Variants in BOP1 observed in about 807,000 individuals in gnomAD.
The protein encoded by BOP1 is ribosome biogenesis protein BOP1.
BOP1 carries 54 observed loss-of-function variants against 82.9 expected under a neutral mutation model. The ratio of observed to expected loss-of-function variants is 0.65; its 90% CI spans 0.52 to 0.82. The LOEUF (loss-of-function observed/expected upper bound fraction) is 0.82, where lower values mean the gene tolerates loss of function less well. BOP1 is among the 40% of genes least tolerant of loss of function. The pLI, the probability that BOP1 is intolerant of heterozygous loss-of-function variation, is 0.00. For synonymous variants in BOP1, 566 were observed against 451.1 expected, an observed-to-expected ratio of 1.25 and a Z score of -3.23; for missense variants, 1,170 against 1,072.0, an observed-to-expected ratio of 1.09 and a Z score of -1.28.
chr8:144,290,613 G>T (rs961572126), intron 1 of BOP1, among the ~76,000 whole-genome samples: 1 of 152,212 alleles, frequency 6.6e-6, no homozygotes, highest in Non-Finnish European at 1.5e-5. Flanking sequence ...CCTGAGGACC[G>T]TTTAGTCCAA....
At chr8:144,267,373 G>A (rs1394628493) in intron 3 of BOP1, among the ~76,000 whole-genome samples, 6 of 152,124 alleles carry the variant, frequency 3.9e-5, no homozygotes, top group Admixed American at 1.3e-4. Flanking sequence ...TAGGACACTC[G>A]GCTCCCAGTG....
chr8:144,262,290 C>T lies in BOP1; in HGVS notation c.2115G>A (p.Val705=). The T allele has an allele frequency of 6.2e-7, 1 of 1,612,862 alleles. No homozygotes were observed. The change falls in exon 16 of 16, where the codon GTG becomes GTA. Residue 705 remains valine (V), a synonymous_variant. Coordinates refer to ENST00000569669, the MANE Select transcript of BOP1 (RefSeq NM_015201.5). ...CGTGTCCCTTCAGCACCTTGACGGG[C>T]ACCAGCAAGGGGTTCTGCAGAAGGT... ...YNDLLQNPLL[V]PVKVLKGHVL...
At chr8:144,290,092 C>T (rs578092072) in intron 1 of BOP1, among the ~76,000 whole-genome samples, 10 of 152,296 alleles carry the variant, frequency 6.6e-5, no homozygotes, top group African/African-American at 2.4e-4. Flanking sequence ...GGCACAGTGG[C>T]TCACTCCTGT....
chr8:144,275,416 T>C (rs1845553568), intron 3 of BOP1, among the ~76,000 whole-genome samples: 1 of 140,456 alleles, frequency 7.1e-6, no homozygotes, highest in Non-Finnish European at 1.5e-5. Flanking sequence ...CACAGCCCAG[T>C]GCCAGCCTCT....
At position 144,291,290 on chromosome 8, in the gene BOP1, C is replaced by T; in HGVS notation, c.81G>A (p.Glu27=). 1 of 1,461,168 alleles carries T rather than the reference C, an allele frequency of 6.8e-7. No homozygotes were observed. Among genetic ancestry groups the T allele is most frequent in the South Asian group, 1.3e-5 (1 of 77,448 alleles). The allele number at this position is 1,461,168 out of a possible 1,614,324, so 90.5% of individuals were successfully genotyped here. ...PEKRRSEPEL[E]PEPEPEPPLL... ...CAGTCACCTCCGGCTCGGGCTCAGG[C>T]TCCAGTTCGGGCTCAGACCGCCGCT... is the stretch of plus-strand genomic sequence containing the variant. The change falls in exon 1 of 16, where the codon GAG becomes GAA. Residue 27 remains glutamate, a synonymous_variant. Coordinates refer to ENST00000569669, the MANE Select transcript of BOP1 (RefSeq NM_015201.5). This position sits in a 1 kb window ranked among gnomAD's most constrained non-coding sequence, Gnocchi z 4.1.
chr8:144,286,578 G>A (rs1324515548), intron 2 of BOP1, among the ~76,000 whole-genome samples: 2 of 143,864 alleles, frequency 1.4e-5, no homozygotes, highest in African/African-American at 5.2e-5. Context: ...CAGGACACGC[G>A]GGCAGATGCA....
At chr8:144,267,088 C>G (rs1309484533) in intron 3 of BOP1, 3 of 1,369,792 alleles carry the variant, frequency 2.2e-6, no homozygotes, top group South Asian at 3.4e-5. Flanking sequence ...CGGCAGCCCC[C>G]CGCCGCCGCC....
Position 144,263,735 on chromosome 8 carries a change from G to C in BOP1, c.1248C>G (p.Val416=), listed in dbSNP as rs1298127522. 22 of 1,578,376 alleles carry C rather than the reference G, an allele frequency of 1.4e-5. No individual in the cohort carries two copies. In the Middle Eastern group the frequency reaches 3.5e-3, roughly 249 times the overall value. The change falls in exon 10 of 16, where the codon GTC becomes GTG. Residue 416 remains valine, a synonymous_variant. Transcript: ENST00000569669. ...CCCCAGGAGAGACACTGAGGCACCG[G>C]ACAAGGTCACTGTGGCCCCTGTAGA... ...ALVYRGHSDL[V]RCLSVSPGGQ... is the part of the protein sequence containing the mutation.
chr8:144,274,809 CT>C (rs1845544058), intron 3 of BOP1, among the ~76,000 whole-genome samples: 1 of 152,260 alleles, frequency 6.6e-6, no homozygotes, highest in African/African-American at 2.4e-5. Context: ...GCCGAGGCCC[CT>C]CCCCCGGCCT....
rs958617970 is a variant in BOP1, at chr8:144,263,546, G to T, written c.1356C>A (p.Pro452=). 3.7e-6 allele frequency: 6 copies of T among 1,600,976 alleles called. No individual in the cohort carries two copies. In the East Asian group the frequency reaches 1.3e-4, roughly 36 times the overall value. Residue 452 remains proline (P), a synonymous_variant, in exon 11 of 16, where the codon CCC becomes CCA. Transcript: ENST00000569669. ...CCACACTCTTCACCACGCCCCCCACGGGAACAGTCCTCACACAGCGGGCAG... is the reference window on the plus strand; with the variant it reads ...CCACACTCTTCACCACGCCCCCCACTGGAACAGTCCTCACACAGCGGGCAG... ...VATARCVRTV[P]VGGVVKSVAW...
intron 3 of BOP1, among the ~76,000 whole-genome samples, chr8:144,271,084 C>T (rs1845484770): frequency 7.3e-5 from 2 of 27,322 alleles, no homozygotes; most frequent in South Asian, 2.5e-3. Context: ...AGAGCCCCGG[C>T]CGGCCGGCCG....
Position 144,264,706 on chromosome 8 carries a change from C to G in BOP1, c.663+8G>C. On this transcript the variant is annotated splice_region_variant and intron_variant, in intron 5 of 15. Transcript: ENST00000569669. The stretch of plus-strand genomic sequence containing the variant: ...CCCGCCGCCCAGGGGCCAGCCCCTG[C>G]CACCTACCTCATAGGGGTTGAAGCC... The G allele has an allele frequency of 6.4e-7, 1 of 1,569,346 alleles. No homozygotes were observed. Among genetic ancestry groups the G allele is most frequent in the Non-Finnish European group, 8.6e-7 (1 of 1,157,898 alleles).
chr8:144,275,929 G>T (rs963831059), intron 3 of BOP1, among the ~76,000 whole-genome samples: 31 of 149,676 alleles, frequency 2.1e-4, no homozygotes, highest in African/African-American at 7.4e-4. Context: ...AGACGCCACA[G>T]GAGCCCCCAG....
At chr8:144,288,947 C>T in intron 2 of BOP1, 148 bp downstream of exon 2, 2 of 793,774 alleles carry the variant, frequency 2.5e-6, no homozygotes, top group Non-Finnish European at 4.1e-6. Context: ...GTCCTAGAGC[C>T]CAAGCGTGCC....
At chr8:144,266,718 C>T in intron 3 of BOP1, 1 of 1,199,184 alleles carries the variant, frequency 8.3e-7, no homozygotes, top group South Asian at 1.6e-5. Flanking sequence ...GCTCGGGCTC[C>T]GACGAGAAAC....
At chr8:144,271,251 C>A (rs1268524596) in intron 3 of BOP1, among the ~76,000 whole-genome samples, 1 of 152,126 alleles carries the variant, frequency 6.6e-6, no homozygotes, top group African/African-American at 2.4e-5. Context: ...TCCCCCTCCC[C>A]AAAGTGGCTG....
At chr8:144,270,882 G>T (rs1845481014) in intron 3 of BOP1, among the ~76,000 whole-genome samples, 1 of 152,134 alleles carries the variant, frequency 6.6e-6, no homozygotes, top group South Asian at 2.1e-4. Context: ...AGCCGCCCCT[G>T]CGAGCCGAGC....
At chr8:144,277,150 C>T (rs927097243) in intron 2 of BOP1, among the ~76,000 whole-genome samples, 270 of 152,294 alleles carry the variant, frequency 1.8e-3, no homozygotes, top group African/African-American at 6.1e-3. Flanking sequence ...AGAGCGAAGG[C>T]GGGCACGCCC....
At chr8:144,262,781 C>A (rs1845246062) in intron 13 of BOP1, 72 bp downstream of exon 13, 2 of 1,279,384 alleles carry the variant, frequency 1.6e-6, no homozygotes, top group East Asian at 2.7e-5. Flanking sequence ...CCTACCCCCA[C>A]CCCTCACCTG....
Sources: gnomAD v4.1 joint callset for allele counts (sites outside exome capture counted in the v4.1 genomes callset) on GRCh38, gnomAD v4.1.1 for gene constraint, Gnocchi (gnomAD v3.1) non-coding constraint, MANE v1.5 for transcripts, NCBI Gene and HGNC (gene_info 2026-07-23, HGNC 2026-07-21) for gene names.